The following PLPPR5 variants were observed in gnomAD, a reference collection of about 807,000 sequenced individuals.
PLPPR5 encodes the protein phospholipid phosphatase related 5, also known as phospholipid phosphatase-related protein type 5.
Under a neutral mutation model 33.9 loss-of-function variants are expected in PLPPR5, and 16 were observed. The ratio of observed to expected loss-of-function variants is 0.47; its 90% CI spans 0.32 to 0.72. The LOEUF is 0.72. PLPPR5 is among the 30% of genes least tolerant of loss of function. The pLI is 0.03. For synonymous variants in PLPPR5, 163 were observed against 150.3 expected, an observed-to-expected ratio of 1.08 and a Z score of -0.62; for missense variants, 301 against 406.7, an observed-to-expected ratio of 0.74 and a Z score of 2.23.
intron 4 of PLPPR5, among the ~76,000 whole-genome samples, chr1:98,920,476 GT>G (rs1649505988): frequency 7.8e-6 from 1 of 128,266 alleles, no homozygotes; most frequent in East Asian, 2.3e-4. Context: ...AAAAAAAAAA[GT>G]TTTTGGTTCA....
At chr1:98,916,242 A>G (rs539187552) in intron 4 of PLPPR5, among the ~76,000 whole-genome samples, 4 of 152,322 alleles carry the variant, frequency 2.6e-5, no homozygotes, top group Admixed American at 6.5e-5. Context: ...GCAAATTATT[A>G]TAGATTTCTT....
intron 5 of PLPPR5, among the ~76,000 whole-genome samples, chr1:98,908,247 A>G (rs1227745386): frequency 6.6e-6 from 1 of 152,190 alleles, no homozygotes; most frequent in Non-Finnish European, 1.5e-5. Flanking sequence ...GGAGCAAAGG[A>G]AAAATGGAAT....
intron 1 of PLPPR5, among the ~76,000 whole-genome samples, chr1:98,963,465 A>G (rs1183918889): frequency 6.6e-6 from 1 of 152,212 alleles, no homozygotes; most frequent in African/African-American, 2.4e-5. Flanking sequence ...TACTGTATGA[A>G]TGAAGAGAAT....
intron 5 of PLPPR5, among the ~76,000 whole-genome samples, chr1:98,898,536 C>T (rs564624023): frequency 6.6e-6 from 1 of 152,248 alleles, no homozygotes; most frequent in African/African-American, 2.4e-5. Flanking sequence ...TACTTTGTCA[C>T]ATTGTTTTCC....
chr1:98,953,867 C>T (rs1650899529), intron 2 of PLPPR5, among the ~76,000 whole-genome samples: 1 of 152,062 alleles, frequency 6.6e-6, no homozygotes, highest in Non-Finnish European at 1.5e-5. Context: ...CTTAAGTAAA[C>T]CAGAATGCTT....
chr1:98,950,454 T>G (rs1650737780), intron 3 of PLPPR5, among the ~76,000 whole-genome samples: 1 of 152,190 alleles, frequency 6.6e-6, no homozygotes, highest in South Asian at 2.1e-4. Context: ...GATTTATAAT[T>G]CAGAAGTTTA....
chr1:98,892,605 TA>T lies in PLPPR5; in HGVS notation c.*466del, dbSNP rs1648314905. 6.5e-6 allele frequency: 1 copy of T among 152,778 alleles called. No homozygotes were observed. Among genetic ancestry groups the T allele is most frequent in the African/African-American group, 2.4e-5 (1 of 41,376 alleles). 9.5% of individuals were successfully genotyped at this position (152,778 alleles called of 1,614,324 possible). A position where few individuals can be genotyped will look rare whatever the true frequency, so the allele number is the denominator to read the frequency against. ...AATAATGTCATGCTGAATAACAAAA[TA>T]AAAACCCCCATGACTTTCAAAGTCC... On this transcript the variant is annotated 3_prime_UTR_variant, in exon 6 of 6. Transcript: ENST00000263177.
At chr1:98,934,730 A>G (rs1650113935) in intron 3 of PLPPR5, among the ~76,000 whole-genome samples, 1 of 152,172 alleles carries the variant, frequency 6.6e-6, no homozygotes, top group Non-Finnish European at 1.5e-5. Flanking sequence ...TCTAAGTCTC[A>G]AGTATAAAAA....
At chr1:98,934,963 G>C (rs1210201307) in intron 3 of PLPPR5, among the ~76,000 whole-genome samples, 1 of 152,134 alleles carries the variant, frequency 6.6e-6, no homozygotes, top group Non-Finnish European at 1.5e-5. Flanking sequence ...AAAAAATAAA[G>C]TGGAAGGAAG....
intron 1 of PLPPR5, among the ~76,000 whole-genome samples, chr1:98,975,087 G>C (rs1168257169): frequency 6.6e-6 from 1 of 152,022 alleles, no homozygotes; most frequent in African/African-American, 2.4e-5. Context: ...AGCCTCTTTT[G>C]TAACTATTCC....
intron 1 of PLPPR5, among the ~76,000 whole-genome samples, chr1:98,962,655 T>C (rs1651288401): frequency 6.6e-6 from 1 of 152,122 alleles, no homozygotes; most frequent in South Asian, 2.1e-4. Flanking sequence ...TTTTCTTTTC[T>C]TTTTCTGGAG....
intron 3 of PLPPR5, among the ~76,000 whole-genome samples, chr1:98,926,455 T>C (rs1429033200): frequency 5.9e-5 from 6 of 101,030 alleles, no homozygotes; most frequent in African/African-American, 2.0e-4. Flanking sequence ...TTAGTGTGTG[T>C]GTGTGTGTGT....
chr1:98,968,629 C>T (rs143393542), intron 1 of PLPPR5, among the ~76,000 whole-genome samples: 12 of 152,064 alleles, frequency 7.9e-5, no homozygotes, highest in Non-Finnish European at 1.8e-4. Flanking sequence ...TGTTCATCAA[C>T]ATTTATAAAT....
chr1:98,927,083 G>A (rs1649797334), intron 3 of PLPPR5, among the ~76,000 whole-genome samples: 1 of 152,176 alleles, frequency 6.6e-6, no homozygotes, highest in African/African-American at 2.4e-5. Context: ...GTTGGTAATG[G>A]TGGTACAATA....
intron 3 of PLPPR5, among the ~76,000 whole-genome samples, chr1:98,936,940 T>C (rs1305971374): frequency 6.6e-6 from 1 of 152,182 alleles, no homozygotes; most frequent in African/African-American, 2.4e-5. Flanking sequence ...TAAGTCTGGG[T>C]TGTATTTATG....
chr1:98,929,706 C>T (rs1649897038), intron 3 of PLPPR5, among the ~76,000 whole-genome samples: 2 of 152,194 alleles, frequency 1.3e-5, no homozygotes, highest in Admixed American at 1.3e-4. Flanking sequence ...AAAGTGCAGC[C>T]ATGGCTGATA....
chr1:98,939,106 T>A (rs1650282535), intron 3 of PLPPR5, among the ~76,000 whole-genome samples: 1 of 151,892 alleles, frequency 6.6e-6, no homozygotes, highest in Non-Finnish European at 1.5e-5. Context: ...AACCTGCACA[T>A]GAACCCCTGA....
chr1:98,956,879 C>A, intron 1 of PLPPR5, 138 bp from the exon 2 acceptor site: 1 of 659,252 alleles, frequency 1.5e-6, no homozygotes. Flanking sequence ...AATCGATTTC[C>A]TAGATCCTTT....
intron 3 of PLPPR5, among the ~76,000 whole-genome samples, chr1:98,945,007 T>C (rs568303830): frequency 6.6e-6 from 1 of 152,334 alleles, no homozygotes; most frequent in Non-Finnish European, 1.5e-5. Flanking sequence ...TTATAAGTTG[T>C]TGTTGTTTTT....
Sources: gnomAD v4.1 joint callset for allele counts (sites outside exome capture counted in the v4.1 genomes callset) on GRCh38, gnomAD v4.1.1 for gene constraint, MANE v1.5 for transcripts, NCBI Gene and HGNC (gene_info 2026-07-23, HGNC 2026-07-21) for gene names.